ME3: variants seen among roughly 807,000 people sequenced by gnomAD.
ME3 encodes NADP-dependent malic enzyme, mitochondrial.
ME3 carries 48 observed loss-of-function variants against 68.9 expected under a neutral mutation model. The observed-to-expected ratio is 0.70, with a 90% CI of 0.55 to 0.89. ME3 has a LOEUF of 0.89. ME3 is among the 40% of genes least tolerant of loss of function. The pLI, the probability that ME3 is intolerant of heterozygous loss-of-function variation, is 0.00. For synonymous variants in ME3, 320 were observed against 318.8 expected (o/e 1.00, Z -0.04); for missense variants, 675 against 797.4 (o/e 0.85, Z 1.85).
chr11:86,641,221 G>GA (rs915015975), intron 2 of ME3, among the ~76,000 whole-genome samples: 9 of 151,914 alleles, frequency 5.9e-5, no homozygotes, highest in Non-Finnish European at 8.8e-5. Flanking sequence ...CATTTGAAAA[G>GA]AAAAAAACAG....
chr11:86,574,394 T>G (rs1290326121), intron 2 of ME3, among the ~76,000 whole-genome samples: 3 of 38,384 alleles, frequency 7.8e-5, no homozygotes, highest in East Asian at 1.2e-3. Context: ...GGGTATTTGT[T>G]GCCGGGGGGG....
At chr11:86,552,709 A>T (rs933206599) in intron 4 of ME3, among the ~76,000 whole-genome samples, 2 of 152,082 alleles carry the variant, frequency 1.3e-5, no homozygotes, top group African/African-American at 2.4e-5. Context: ...TTCAAAATCT[A>T]TCGTAGTCCT....
chr11:86,523,585 G>C (rs898137753), intron 4 of ME3, among the ~76,000 whole-genome samples: 1 of 151,814 alleles, frequency 6.6e-6, no homozygotes, highest in African/African-American at 2.4e-5. Context: ...TTTTATTTTT[G>C]GCAGAAAATA....
At chr11:86,464,006 A>G (rs1950353599) in intron 8 of ME3, 1 of 364,528 alleles carries the variant, frequency 2.7e-6, no homozygotes. Context: ...TGCCCGACAT[A>G]CAATAAGCGT....
Position 86,510,829 on chromosome 11 carries a change from AC to A in ME3, c.468-1963del, listed in dbSNP as rs368223811. Among the ~76,000 whole-genome samples the A allele has an allele frequency of 7.0e-4, 106 of 152,354 alleles. 3 individuals are homozygous for A. The East Asian group carries it at 0.019, about 28-fold the overall frequency. ...ATTTCCCTGTGCATACCTCAAAGGT[AC>A]TTCAAACTTAGCATGTACCAAACCA... On this transcript the variant is annotated intron_variant, in intron 4 of 14. Transcript: ENST00000543262.
At chr11:86,447,900 C>G (rs1324394717) in intron 11 of ME3, among the ~76,000 whole-genome samples, 1 of 149,266 alleles carries the variant, frequency 6.7e-6, no homozygotes, top group East Asian at 2.0e-4. Context: ...GAGAGAGAGA[C>G]AGACTAGCCC....
intron 4 of ME3, among the ~76,000 whole-genome samples, chr11:86,540,470 T>C (rs1021450355): frequency 2.0e-5 from 3 of 152,186 alleles, no homozygotes; most frequent in Non-Finnish European, 4.4e-5. Flanking sequence ...GATAGGGGTT[T>C]GGTATGACAC....
chr11:86,640,024 G>A (rs1944570747), intron 2 of ME3, among the ~76,000 whole-genome samples: 2 of 152,232 alleles, frequency 1.3e-5, no homozygotes, highest in Admixed American at 6.5e-5. Context: ...TTCACCTTCG[G>A]CCTCAAGGCA....
intron 14 of ME3, 51 bp downstream of exon 14, chr11:86,442,766 CAGAG>C (rs1443068301): frequency 6.3e-6 from 9 of 1,439,892 alleles, no homozygotes; most frequent in Non-Finnish European, 8.8e-6. Flanking sequence ...AAGTCACAGA[CAGAG>C]AAAGTGGTTG....
At chr11:86,504,869 T>C (rs1952965814) in intron 5 of ME3, among the ~76,000 whole-genome samples, 1 of 151,432 alleles carries the variant, frequency 6.6e-6, no homozygotes, top group Non-Finnish European at 1.5e-5. Context: ...TTTTATATTT[T>C]TAGTAGAGAT....
At chr11:86,466,961 C>T (rs965133446) in intron 7 of ME3, among the ~76,000 whole-genome samples, 1 of 152,228 alleles carries the variant, frequency 6.6e-6, no homozygotes, top group Non-Finnish European at 1.5e-5. Context: ...TAATATCTGC[C>T]TGGCTAACAT....
chr11:86,563,886 C>T (rs1957355663), intron 2 of ME3, among the ~76,000 whole-genome samples: 1 of 152,178 alleles, frequency 6.6e-6, no homozygotes. Flanking sequence ...TAGTATGATG[C>T]TTCCAACTTT....
chr11:86,494,529 G>A (rs898503807), intron 6 of ME3, among the ~76,000 whole-genome samples: 1 of 152,134 alleles, frequency 6.6e-6, no homozygotes, highest in Non-Finnish European at 1.5e-5. Context: ...GGGGCACATA[G>A]GAGGGCAGAT....
intron 4 of ME3, among the ~76,000 whole-genome samples, chr11:86,521,928 T>C (rs1222959032): frequency 6.6e-6 from 1 of 152,176 alleles, no homozygotes; most frequent in African/African-American, 2.4e-5. Flanking sequence ...TTCTACATCT[T>C]GGATTCAACC....
intron 14 of ME3, 130 bp from the exon 15 acceptor site, chr11:86,441,570 C>T (rs1013975791): frequency 2.4e-6 from 2 of 847,140 alleles, no homozygotes; most frequent in South Asian, 2.5e-5. Flanking sequence ...GAGTATGGCT[C>T]ATGAAACAAC....
At chr11:86,510,491 TTG>T (rs1181939300) in intron 4 of ME3, among the ~76,000 whole-genome samples, 2 of 152,216 alleles carry the variant, frequency 1.3e-5, no homozygotes, top group Admixed American at 1.3e-4. Context: ...TTCTTTCTAT[TTG>T]TGATCTTATA....
At chr11:86,534,686 A>G (rs1365363275) in intron 4 of ME3, among the ~76,000 whole-genome samples, 1 of 152,004 alleles carries the variant, frequency 6.6e-6, no homozygotes, top group Non-Finnish European at 1.5e-5. Flanking sequence ...AAATAATAAT[A>G]ATAATAATAA....
At chr11:86,480,453 T>C (rs916494190) in intron 7 of ME3, among the ~76,000 whole-genome samples, 1 of 152,112 alleles carries the variant, frequency 6.6e-6, no homozygotes, top group African/African-American at 2.4e-5. Context: ...CAGGAAGCCA[T>C]TTAGAAGAAA....
At chr11:86,457,637 G>A in intron 8 of ME3, 1 of 1,278,120 alleles carries the variant, frequency 7.8e-7, no homozygotes, top group Non-Finnish European at 1.0e-6. Flanking sequence ...TTTAAAACTG[G>A]AAAGGAAGCT....
Sources: gnomAD v4.1 joint callset for allele counts (sites outside exome capture counted in the v4.1 genomes callset) on GRCh38, gnomAD v4.1.1 for gene constraint, MANE v1.5 for transcripts, NCBI Gene and HGNC (gene_info 2026-07-23, HGNC 2026-07-21) for gene names.